The following FYN variants were observed in gnomAD, a reference collection of about 807,000 sequenced individuals.
FYN encodes tyrosine-protein kinase Fyn.
A neutral mutation model predicts 70.2 loss-of-function variants in FYN; 10 were observed. The observed-to-expected ratio is 0.14, with a 90% CI of 0.09 to 0.24. The LOEUF (loss-of-function observed/expected upper bound fraction) is 0.24. FYN is among the 10% of genes least tolerant of loss of function. The pLI, the probability that FYN is intolerant of heterozygous loss-of-function variation, is 1.00. For missense variants in FYN, 319 were observed against 673.1 expected (o/e 0.47, Z 5.82); for synonymous variants, 236 against 248.6 (o/e 0.95, Z 0.48).
chr6:111,713,680 A>G (rs1045804962), intron 5 of FYN, among the ~76,000 whole-genome samples: 1 of 152,272 alleles, frequency 6.6e-6, no homozygotes, highest in Admixed American at 6.5e-5. Context: ...GGAGGTACTG[A>G]ATGTAGGATT....
chr6:111,707,817 C>T (rs6901652), intron 6 of FYN, 105 bp downstream of exon 6: 12,970 of 855,090 alleles, frequency 0.015, 601 homozygotes, highest in African/African-American at 0.14. Flanking sequence ...CAGCCTTAAT[C>T]ACTGCTGTGA....
chr6:111,849,596 G>C (rs1466492694), intron 1 of FYN, among the ~76,000 whole-genome samples: 2 of 152,198 alleles, frequency 1.3e-5, no homozygotes, highest in Non-Finnish European at 2.9e-5. Context: ...GGGAAGTAAG[G>C]CAGAGGCCAG....
intron 3 of FYN, among the ~76,000 whole-genome samples, chr6:111,746,994 CA>C (rs1437688020): frequency 6.6e-6 from 1 of 152,070 alleles, no homozygotes; most frequent in African/African-American, 2.4e-5. Context: ...TTTATGTACT[CA>C]ATATAAATGG....
chr6:111,690,108 G>T (rs186582634), intron 12 of FYN, among the ~76,000 whole-genome samples: 2 of 152,180 alleles, frequency 1.3e-5, no homozygotes, highest in Admixed American at 6.5e-5. Flanking sequence ...TGAAGGAAGT[G>T]AGGGCTGGAG....
At chr6:111,671,863 C>T (rs1395856306) in intron 13 of FYN, among the ~76,000 whole-genome samples, 1 of 152,166 alleles carries the variant, frequency 6.6e-6, no homozygotes, top group East Asian at 1.9e-4. Flanking sequence ...TAATTGGAAT[C>T]CCTCTGTAAA....
At chr6:111,844,141 T>G (rs761680282) in intron 2 of FYN, among the ~76,000 whole-genome samples, 1 of 152,198 alleles carries the variant, frequency 6.6e-6, no homozygotes, top group East Asian at 1.9e-4. Flanking sequence ...AAGTGTAACA[T>G]AGATGATATA....
rs113666275 is a variant in FYN at position 111,868,074 on chromosome 6, C to A, written c.-123+4894G>T. ...CACCTAGCCATCTCTACTCATCTTG[C>A]CTTCAGACCCCTCCTCTTCCAGCCT... On this transcript the variant is annotated intron_variant, in intron 1 of 13. Coordinates refer to ENST00000354650, the MANE Select transcript of FYN (RefSeq NM_002037.5). Among the ~76,000 whole-genome samples, 1,493 of 152,048 alleles carry A rather than the reference C, an allele frequency of 9.8e-3. 23 individuals are homozygous for A. The highest frequency in any genetic ancestry group is 0.034 in the African/African-American group (1,415 of 41,464).
chr6:111,768,288 C>T (rs1050687891), intron 3 of FYN, among the ~76,000 whole-genome samples: 3 of 152,314 alleles, frequency 2.0e-5, no homozygotes, highest in Admixed American at 2.0e-4. Flanking sequence ...AGGAACAATG[C>T]CCAGCACTGT....
chr6:111,682,696 G>A (rs1798827761), intron 12 of FYN, among the ~76,000 whole-genome samples: 1 of 152,196 alleles, frequency 6.6e-6, no homozygotes, highest in South Asian at 2.1e-4. Flanking sequence ...GGACCACTAT[G>A]ATCATTTAGG....
chr6:111,817,086 G>A (rs1583467635), intron 2 of FYN, among the ~76,000 whole-genome samples: 1 of 136,468 alleles, frequency 7.3e-6, no homozygotes, highest in Admixed American at 6.8e-5. Flanking sequence ...ATAGAAAGGA[G>A]TGATTAAAAT....
chr6:111,662,467 G>C (rs1797794196), intron 13 of FYN, among the ~76,000 whole-genome samples: 1 of 152,144 alleles, frequency 6.6e-6, no homozygotes, highest in Admixed American at 6.5e-5. Flanking sequence ...AACAAACACA[G>C]GTTGGGAGCC....
At chr6:111,764,293 A>AAGTAGTGAT (rs1803137380) in intron 3 of FYN, among the ~76,000 whole-genome samples, 1 of 151,736 alleles carries the variant, frequency 6.6e-6, no homozygotes, top group African/African-American at 2.4e-5. Context: ...TTTAATAAGA[A>AAGTAGTGAT]ACCTCTGAGG....
chr6:111,725,070 A>C (rs532476087), intron 3 of FYN, among the ~76,000 whole-genome samples: 45 of 152,344 alleles, frequency 3.0e-4, no homozygotes, highest in African/African-American at 9.9e-4. Context: ...TAGGAAAAGG[A>C]TAAGATGTGG....
intron 13 of FYN, among the ~76,000 whole-genome samples, chr6:111,666,576 C>T (rs1798019300): frequency 6.6e-6 from 1 of 152,162 alleles, no homozygotes; most frequent in Admixed American, 6.5e-5. Flanking sequence ...ATCCATAAAA[C>T]ACCTCCAGCA....
chr6:111,676,300 A>T (rs1042316188), intron 12 of FYN: 1 of 152,350 alleles, frequency 6.6e-6, no homozygotes, highest in Admixed American at 6.5e-5. Flanking sequence ...CTATTTCATT[A>T]TGAGGCATCT....
intron 1 of FYN, among the ~76,000 whole-genome samples, chr6:111,871,769 G>A (rs542784394): frequency 6.6e-6 from 1 of 152,300 alleles, no homozygotes; most frequent in African/African-American, 2.4e-5. Flanking sequence ...GGATGGGGAG[G>A]CTACCTTAAA....
rs148774568 is a variant in FYN, at chr6:111,690,325, C to T, written c.1273+4050G>A. On this transcript the variant is annotated intron_variant, in intron 12 of 13. Coordinates refer to ENST00000354650, the MANE Select transcript of FYN (RefSeq NM_002037.5). ...GGGGAGGGCTGGAAGGCTGAGGGCC[C>T]AGCTGTGGCAGTGAGACCCAGTGAG... is the stretch of plus-strand genomic sequence containing the variant. 2.0e-3 allele frequency among the ~76,000 whole-genome samples: 298 copies of T among 152,220 alleles called. 1 individual carries two copies. Among genetic ancestry groups the T allele is most frequent in the African/African-American group, 6.6e-3 (273 of 41,546 alleles).
chr6:111,769,344 G>T (rs558774326), intron 3 of FYN, among the ~76,000 whole-genome samples: 1 of 152,244 alleles, frequency 6.6e-6, no homozygotes, highest in Admixed American at 6.5e-5. Context: ...ACAGCTAAGG[G>T]TTTGTATTTT....
chr6:111,697,794 A>G (rs762257472), intron 9 of FYN, among the ~76,000 whole-genome samples: 2 of 152,240 alleles, frequency 1.3e-5, no homozygotes, highest in African/African-American at 2.4e-5. Flanking sequence ...TGTGAACAGT[A>G]TATGTAATGA....
Sources: allele counts gnomAD v4.1 joint callset (sites outside exome capture counted in the v4.1 genomes callset), GRCh38; gene constraint gnomAD v4.1.1; transcripts MANE v1.5; gene names NCBI Gene and HGNC (gene_info 2026-07-23, HGNC 2026-07-21).